The following MEGF10 variants were observed in gnomAD, a reference collection of about 807,000 sequenced individuals.
MEGF10 encodes the protein multiple epidermal growth factor-like domains protein 10.
A neutral mutation model predicts 147.5 loss-of-function variants in MEGF10; 86 were observed. The observed-to-expected ratio is 0.58, with a 90% CI of 0.49 to 0.70. MEGF10 has a LOEUF of 0.70. Among genes scored for constraint, MEGF10 ranks in the 30% least tolerant of loss-of-function variants. The probability of loss-of-function intolerance (pLI) is 0.00; values close to 1 mark genes in which losing one functional copy is unlikely to be tolerated. For missense variants in MEGF10, 1,329 were observed against 1,487.3 expected, an observed-to-expected ratio of 0.89 and a Z score of 1.75; for synonymous variants, 478 against 525.5, an observed-to-expected ratio of 0.91 and a Z score of 1.24.
intron 8 of MEGF10, among the ~76,000 whole-genome samples, chr5:127,407,398 G>C (rs1764375098): frequency 6.6e-6 from 1 of 152,066 alleles, no homozygotes; most frequent in African/African-American, 2.4e-5. Flanking sequence ...TTTTCCTTAA[G>C]TTCACAATGA....
At chr5:127,234,653 T>C in the MEGF10 span, among the ~76,000 whole-genome samples, 2 of 152,198 alleles carry the variant, frequency 1.3e-5, no homozygotes, top group Admixed American at 1.3e-4. Flanking sequence ...TCCATTCACA[T>C]AGATCATACT....
chr5:127,449,073 T>A, intron 21 of MEGF10, 26 bp from the exon 22 acceptor site: 1 of 1,613,576 alleles, frequency 6.2e-7, no homozygotes, highest in Non-Finnish European at 8.5e-7. Context: ...TTGTTTTTAA[T>A]CTTTCGTTGT....
At chr5:127,391,086 A>ATG (rs1763646798) in intron 5 of MEGF10, among the ~76,000 whole-genome samples, 1 of 73,112 alleles carries the variant, frequency 1.4e-5, no homozygotes, top group Non-Finnish European at 3.3e-5. Flanking sequence ...ACATACACAC[A>ATG]TGCGCGCGCG....
chr5:127,429,636 C>G (rs1269661718), intron 13 of MEGF10, among the ~76,000 whole-genome samples: 1 of 152,178 alleles, frequency 6.6e-6, no homozygotes, highest in Non-Finnish European at 1.5e-5. Flanking sequence ...GAGTCTTCAT[C>G]TGCATTTTCT....
the MEGF10 span, among the ~76,000 whole-genome samples, chr5:127,249,610 C>G: frequency 6.6e-6 from 1 of 151,842 alleles, no homozygotes; most frequent in African/African-American, 2.4e-5. Context: ...GATTATTGGA[C>G]TGGATATAAA....
At chr5:127,345,854 G>T (rs569349632) in intron 4 of MEGF10, among the ~76,000 whole-genome samples, 8 of 151,996 alleles carry the variant, frequency 5.3e-5, no homozygotes, top group Non-Finnish European at 1.0e-4. Flanking sequence ...CACCTCCCAC[G>T]CTTTCCCTTA....
At chr5:127,353,311 T>G (rs1203383195) in intron 4 of MEGF10, among the ~76,000 whole-genome samples, 1 of 152,172 alleles carries the variant, frequency 6.6e-6, no homozygotes, top group African/African-American at 2.4e-5. Flanking sequence ...ACATTATAAC[T>G]CCAAGAAAAT....
chr5:127,447,811 C>G, intron 21 of MEGF10, 127 bp downstream of exon 21: 2 of 1,188,010 alleles, frequency 1.7e-6, no homozygotes, highest in Non-Finnish European at 2.3e-6. Flanking sequence ...TAATTTATTC[C>G]TCTAAACAGT....
At chr5:127,368,174 T>C (rs1044265457) in intron 4 of MEGF10, among the ~76,000 whole-genome samples, 34 of 152,170 alleles carry the variant, frequency 2.2e-4, no homozygotes, top group Non-Finnish European at 3.1e-4. Context: ...AAAATCAAAA[T>C]AGTGCAGGGC....
At chr5:127,434,636 G>T in intron 14 of MEGF10, 51 bp from the exon 15 acceptor site, 2 of 1,536,400 alleles carry the variant, frequency 1.3e-6, no homozygotes, top group African/African-American at 1.4e-5. Context: ...TCTGGAATGC[G>T]AGACAAACGC....
At chr5:127,327,180 G>A (rs1761071808) in intron 1 of MEGF10, among the ~76,000 whole-genome samples, 1 of 152,162 alleles carries the variant, frequency 6.6e-6, no homozygotes, top group South Asian at 2.1e-4. Flanking sequence ...GAGCACTTTA[G>A]CAATGCTAAT....
the MEGF10 span, among the ~76,000 whole-genome samples, chr5:127,239,793 A>T: frequency 8.5e-5 from 13 of 152,072 alleles, no homozygotes; most frequent in Admixed American, 4.6e-4. Flanking sequence ...AAGAGTTTTT[A>T]AAAAGGAATG....
At chr5:127,399,573 T>C (rs1275061865) in intron 7 of MEGF10, among the ~76,000 whole-genome samples, 1 of 152,200 alleles carries the variant, frequency 6.6e-6, no homozygotes, top group Non-Finnish European at 1.5e-5. Context: ...TATCACCTTC[T>C]ATTTCCATGA....
rs1353421039 is a variant in MEGF10, at chr5:127,460,491, T to C, written c.*3173T>C. On this transcript the variant is annotated 3_prime_UTR_variant, in exon 25 of 25. Transcript: ENST00000503335. ...GAAAACCAACCATAGAACTTTATAATAGGACAGTTATAACCTGACTGAACC... is the reference window on the plus strand; with the variant it reads ...GAAAACCAACCATAGAACTTTATAACAGGACAGTTATAACCTGACTGAACC... 3 of 152,284 alleles carry C rather than the reference T, an allele frequency of 2.0e-5. No homozygotes were observed. In the East Asian group the frequency reaches 5.8e-4, roughly 29 times the overall value. The allele number at this position is 152,284 out of a possible 1,614,324, so 9.4% of individuals were successfully genotyped here. A position where few individuals can be genotyped will look rare whatever the true frequency, so the allele number is the denominator to read the frequency against.
the MEGF10 span, among the ~76,000 whole-genome samples, chr5:127,266,663 AT>A: frequency 6.2e-4 from 94 of 151,998 alleles, no homozygotes; most frequent in African/African-American, 2.3e-3. Context: ...ATTCCTAGGT[AT>A]TTTTTTCTCT....
chr5:127,447,330 C>T (rs553684736), intron 20 of MEGF10, among the ~76,000 whole-genome samples: 2 of 152,036 alleles, frequency 1.3e-5, no homozygotes, highest in South Asian at 2.1e-4. Flanking sequence ...CGCATGCTAC[C>T]GTGCCCGGCT....
At chr5:127,281,037 G>C in the MEGF10 span, among the ~76,000 whole-genome samples, 5 of 152,194 alleles carry the variant, frequency 3.3e-5, no homozygotes, top group Admixed American at 6.5e-5. Context: ...TATTCCCAGA[G>C]GCAGTGGTTG....
At chr5:127,354,327 G>C (rs1242235128) in intron 4 of MEGF10, among the ~76,000 whole-genome samples, 1 of 152,142 alleles carries the variant, frequency 6.6e-6, no homozygotes, top group East Asian at 1.9e-4. Flanking sequence ...GTGGCACTTT[G>C]GGAGTCACAA....
At chr5:127,353,239 G>A (rs1454891911) in intron 4 of MEGF10, among the ~76,000 whole-genome samples, 1 of 152,186 alleles carries the variant, frequency 6.6e-6, no homozygotes, top group Admixed American at 6.5e-5. Flanking sequence ...GTTCATTCAG[G>A]CACATGCTGG....
Sources: allele counts gnomAD v4.1 joint callset (sites outside exome capture counted in the v4.1 genomes callset), GRCh38; gene constraint gnomAD v4.1.1; transcripts MANE v1.5; gene names NCBI Gene and HGNC (gene_info 2026-07-23, HGNC 2026-07-21).